The following EXD3 variants were observed in gnomAD, a reference collection of about 807,000 sequenced individuals.
EXD3 encodes exonuclease 3'-5' domain containing 3.
EXD3 carries 92 observed loss-of-function variants against 98.0 expected under a neutral mutation model. The ratio of observed to expected loss-of-function variants is 0.94; its 90% CI spans 0.79 to 1.12. The LOEUF is 1.12. EXD3 is among the 50% of genes most tolerant of loss of function. The pLI, the probability that EXD3 is intolerant of heterozygous loss-of-function variation, is 0.00. For missense variants in EXD3, 1,222 were observed against 1,191.6 expected, an observed-to-expected ratio of 1.03 and a Z score of -0.38; for synonymous variants, 569 against 526.0, an observed-to-expected ratio of 1.08 and a Z score of -1.12.
intron 5 of EXD3, among the ~76,000 whole-genome samples, chr9:137,372,077 G>A (rs535479765): frequency 6.4e-4 from 97 of 152,284 alleles, no homozygotes; most frequent in African/African-American, 2.3e-3. Flanking sequence ...AGGAGACTCA[G>A]CAAACCACTG....
In EXD3 at chr9:137,352,691, T is replaced by G. The variant is rs7020732; in HGVS notation, c.966A>C (p.Glu322Asp). The change falls in exon 11 of 22, where the codon GAA (glutamate) becomes GAC (aspartate). Residue 322 changes from glutamate to aspartate, a missense_variant. Transcript: ENST00000340951. The part of the protein sequence containing the change: ...DPVTAAQCAM[E>D]LLLPEERLPA... Reference sequence around the variant, plus strand: ...GCAGCCGCTCCTCGGGCAGCAAGAGTTCCATGGCACACTGGGCGGCCGTGA... The same window carrying G: ...GCAGCCGCTCCTCGGGCAGCAAGAGGTCCATGGCACACTGGGCGGCCGTGA... The G allele has an allele frequency of 0.89, 1,389,550 of 1,559,992 alleles. 619,468 individuals are homozygous for G. Among genetic ancestry groups the G allele is most frequent in the East Asian group, 1 (41,590 of 41,630 alleles).
intron 19 of EXD3, among the ~76,000 whole-genome samples, chr9:137,315,735 T>C (rs1409608337): frequency 6.6e-6 from 1 of 151,988 alleles, no homozygotes; most frequent in Non-Finnish European, 1.5e-5. Context: ...GCGCCTGTGT[T>C]TGTCAGATCC....
At chr9:137,420,119 C>T (rs111446161) in intron 1 of EXD3, among the ~76,000 whole-genome samples, 117 of 151,952 alleles carry the variant, frequency 7.7e-4, no homozygotes, top group African/African-American at 2.8e-3. Context: ...GAGATTGTAC[C>T]ACTGCACTCC....
rs79694372 is a variant in EXD3 at position 137,336,170 on chromosome 9, A to G, written c.1998+11901T>C. Among the ~76,000 whole-genome samples, 1,375 of 152,260 alleles carry G rather than the reference A, an allele frequency of 9.0e-3. 26 individuals are homozygous for G. Among genetic ancestry groups the G allele is most frequent in the African/African-American group, 0.031 (1,302 of 41,530 alleles). ...GGGCAGGAGGAGGAGTAAGGGATAA[A>G]AAGACGACATATTGGGTACAATATA... On this transcript the variant is annotated intron_variant, in intron 17 of 21. Coordinates refer to ENST00000340951, the MANE Select transcript of EXD3 (RefSeq NM_017820.5).
At chr9:137,404,920 G>GCTCCC (rs1248579923) in intron 1 of EXD3, among the ~76,000 whole-genome samples, 2 of 150,620 alleles carry the variant, frequency 1.3e-5, no homozygotes, top group Non-Finnish European at 2.9e-5. Flanking sequence ...TCTCCTCCTT[G>GCTCCC]CTCCCAGTGC....
chr9:137,406,954 C>T lies in EXD3; in HGVS notation c.-47-11550G>A, dbSNP rs974103704. Among the ~76,000 whole-genome samples the T allele has an allele frequency of 6.4e-4, 97 of 152,186 alleles. 2 individuals are homozygous for T. The highest frequency in any genetic ancestry group is 2.3e-3 in the African/African-American group (94 of 41,462). ...AGGCCGTCAGGCTCCGAGAGAGGTG[C>T]GGAGCCAACACTGCCTCCCAGCGTC... is the stretch of plus-strand genomic sequence containing the variant. On this transcript the variant is annotated intron_variant, in intron 1 of 21. Coordinates refer to ENST00000340951, the MANE Select transcript of EXD3 (RefSeq NM_017820.5).
At chr9:137,406,760 G>C (rs567447154) in intron 1 of EXD3, among the ~76,000 whole-genome samples, 5 of 152,280 alleles carry the variant, frequency 3.3e-5, no homozygotes, top group African/African-American at 1.2e-4. Context: ...CAGCCTCAGT[G>C]GGCGGTAGAC....
At chr9:137,422,799 G>A (rs1838599114) in intron 1 of EXD3, among the ~76,000 whole-genome samples, 1 of 152,152 alleles carries the variant, frequency 6.6e-6, no homozygotes, top group Non-Finnish European at 1.5e-5. Flanking sequence ...AAGGGCCTCC[G>A]GGTCCTGTGA....
chr9:137,384,361 G>A (rs561235120), intron 2 of EXD3, among the ~76,000 whole-genome samples: 4 of 152,348 alleles, frequency 2.6e-5, no homozygotes, highest in Admixed American at 2.0e-4. Context: ...GCCCAGGACC[G>A]GAACGGAGGA....
At chr9:137,311,402 C>T (rs1160554999) in intron 19 of EXD3, among the ~76,000 whole-genome samples, 1 of 152,222 alleles carries the variant, frequency 6.6e-6, no homozygotes, top group Non-Finnish European at 1.5e-5. Flanking sequence ...CTCCACTGTG[C>T]AGGCCACCTG....
At chr9:137,352,262 G>A (rs576194176) in intron 11 of EXD3, 61 bp from the exon 12 acceptor site, 13 of 1,602,016 alleles carry the variant, frequency 8.1e-6, no homozygotes, top group African/African-American at 4.0e-5. Flanking sequence ...CTCTGACCTC[G>A]GAGCAGGAGG....
At chr9:137,366,223 A>T (rs958732415) in intron 7 of EXD3, 5 of 703,074 alleles carry the variant, frequency 7.1e-6, no homozygotes, top group Non-Finnish European at 1.3e-5. Context: ...TGCCTGCATG[A>T]GAAGAGCCAC....
intron 7 of EXD3, among the ~76,000 whole-genome samples, chr9:137,358,193 C>A (rs1048703960): frequency 6.6e-6 from 1 of 152,214 alleles, no homozygotes; most frequent in African/African-American, 2.4e-5. Flanking sequence ...GGCCCCACAG[C>A]CCTAACTGCT....
chr9:137,348,935 C>A (rs1008343779), intron 16 of EXD3, among the ~76,000 whole-genome samples, 175 bp downstream of exon 16: 3 of 152,000 alleles, frequency 2.0e-5, no homozygotes, highest in Non-Finnish European at 4.4e-5. Context: ...GCGCAGCCCC[C>A]GTGACAGTCA....
intron 3 of EXD3, chr9:137,374,691 G>T (rs367877120): frequency 1.0e-6 from 1 of 985,574 alleles, no homozygotes. Context: ...GCAAAGTCCA[G>T]ACCCTCCAAA....
At chr9:137,327,022 A>G (rs1172486036) in intron 17 of EXD3, among the ~76,000 whole-genome samples, 1 of 152,088 alleles carries the variant, frequency 6.6e-6, no homozygotes, top group South Asian at 2.1e-4. Flanking sequence ...CAGATACTAT[A>G]TGATTCCACG....
chr9:137,314,225 C>T (rs747010392), intron 19 of EXD3, among the ~76,000 whole-genome samples: 5 of 152,208 alleles, frequency 3.3e-5, no homozygotes, highest in South Asian at 2.1e-4. Context: ...CACCTTCCCA[C>T]GCTGTCCCCA....
At chr9:137,382,725 A>T (rs1836378166) in intron 3 of EXD3, among the ~76,000 whole-genome samples, 4 of 152,036 alleles carry the variant, frequency 2.6e-5, no homozygotes, top group Admixed American at 2.6e-4. Context: ...CTGGGGTTGG[A>T]GGGCGTCCCC....
rs561272515 is a variant in EXD3, at chr9:137,406,857, G to A, written c.-47-11453C>T. Among the ~76,000 whole-genome samples, 27 of 152,020 alleles carry A rather than the reference G, an allele frequency of 1.8e-4. 1 individual carries two copies. Among genetic ancestry groups the A allele is most frequent in the African/African-American group, 6.5e-4 (27 of 41,482 alleles). ...GCCCCCACCCCTCCCTTCCAGGAGT[G>A]CAGCCCGTCCCCCCTCAGCAGGCTG... On this transcript the variant is annotated intron_variant, in intron 1 of 21. Transcript: ENST00000340951.
Sources: allele counts gnomAD v4.1 joint callset (sites outside exome capture counted in the v4.1 genomes callset), GRCh38; gene constraint gnomAD v4.1.1; transcripts MANE v1.5; gene names NCBI Gene and HGNC (gene_info 2026-07-23, HGNC 2026-07-21).